PSMD14: variants seen among roughly 807,000 people sequenced by gnomAD.
PSMD14 encodes proteasome 26S subunit, non-ATPase 14, also known as ubiquitin C-terminal hydrolase PSMD14.
Under a neutral mutation model 41.2 loss-of-function variants are expected in PSMD14, and 7 were observed. That is an observed-to-expected ratio of 0.17 (90% confidence interval 0.10 to 0.32). The LOEUF is 0.32. PSMD14 is among the 10% of genes least tolerant of loss of function. The probability of loss-of-function intolerance (pLI) is 1.00; values close to 1 mark genes in which losing one functional copy is unlikely to be tolerated. For missense variants in PSMD14, 139 were observed against 375.6 expected (o/e 0.37, Z 5.21); for synonymous variants, 114 against 122.3 (o/e 0.93, Z 0.45).
intron 8 of PSMD14, among the ~76,000 whole-genome samples, chr2:161,387,121 C>T (rs2105264723): frequency 6.6e-6 from 1 of 152,026 alleles, no homozygotes; most frequent in Middle Eastern, 3.4e-3. Flanking sequence ...ATTTATTTCA[C>T]AGTTTATATA....
chr2:161,350,385 G>A (rs1683101127), intron 3 of PSMD14, among the ~76,000 whole-genome samples: 1 of 152,126 alleles, frequency 6.6e-6, no homozygotes, highest in Admixed American at 6.5e-5. Context: ...TGAGGATGAA[G>A]AACTTCAGTA....
At chr2:161,371,850 T>C (rs1013805301) in intron 7 of PSMD14, among the ~76,000 whole-genome samples, 2 of 152,152 alleles carry the variant, frequency 1.3e-5, no homozygotes, top group Admixed American at 6.6e-5. Flanking sequence ...TGATTAAATA[T>C]GCTAAATAAT....
At chr2:161,385,256 A>G (rs1683619436) in intron 7 of PSMD14, 2 of 347,852 alleles carry the variant, frequency 5.7e-6, no homozygotes, top group Non-Finnish European at 1.0e-5. Context: ...GAAAATTGCA[A>G]TAATTGGTGT....
intron 3 of PSMD14, among the ~76,000 whole-genome samples, chr2:161,351,889 CAA>C (rs1559044866): frequency 6.6e-6 from 1 of 152,140 alleles, no homozygotes; most frequent in African/African-American, 2.4e-5. Flanking sequence ...TACCTAACCT[CAA>C]GAGGTTAGGG....
At chr2:161,323,598 G>A (rs549444419) in intron 3 of PSMD14, among the ~76,000 whole-genome samples, 3 of 152,186 alleles carry the variant, frequency 2.0e-5, no homozygotes, top group East Asian at 3.9e-4. Context: ...AGGAGGTGGA[G>A]GTTGCAGTGA....
intron 3 of PSMD14, among the ~76,000 whole-genome samples, chr2:161,359,902 G>A (rs773169446): frequency 4.6e-5 from 7 of 152,074 alleles, no homozygotes; most frequent in Non-Finnish European, 7.4e-5. Context: ...GATATATGTC[G>A]ATGTAGATGT....
intron 3 of PSMD14, among the ~76,000 whole-genome samples, chr2:161,332,702 C>T (rs1044154171): frequency 6.6e-6 from 1 of 152,166 alleles, no homozygotes; most frequent in Admixed American, 6.5e-5. Context: ...TTTTTTAGAA[C>T]ATACTGATCC....
At chr2:161,393,821 A>G (rs553648684) in intron 9 of PSMD14, among the ~76,000 whole-genome samples, 2 of 152,186 alleles carry the variant, frequency 1.3e-5, no homozygotes, top group South Asian at 4.1e-4. Context: ...AAACCGTCTT[A>G]AAATATAAAC....
Position 161,398,584 on chromosome 2 carries a change from A to G in PSMD14, c.771+3381A>G, listed in dbSNP as rs1417085147. 2.0e-5 allele frequency among the ~76,000 whole-genome samples: 3 copies of G among 151,974 alleles called. No homozygotes were observed. In the East Asian group the frequency reaches 5.8e-4, roughly 29 times the overall value. On this transcript the variant is annotated intron_variant, in intron 10 of 11. Coordinates refer to ENST00000409682, the MANE Select transcript of PSMD14 (RefSeq NM_005805.6). ...TGTTTGATTACATATTTGTAAATGA[A>G]TGTGCAGGTGAAAAAATGAATTGTG...
At position 161,370,104 on chromosome 2, in the gene PSMD14, C is replaced by T. The variant is rs778230044; in HGVS notation, c.241-3C>T. The T allele has an allele frequency of 6.4e-7, 1 of 1,563,268 alleles. No homozygotes were observed. The highest frequency in any genetic ancestry group is 1.7e-4 in the Middle Eastern group (1 of 5,904). ...TAATAATTTTTCTTTCTTTCTAAAT[C>T]AGGGTGTCAGTGTGGAGGCAGTTGA... On this transcript the variant is annotated splice_polypyrimidine_tract_variant and splice_region_variant and intron_variant, in intron 5 of 11. Coordinates refer to ENST00000409682, the MANE Select transcript of PSMD14 (RefSeq NM_005805.6).
At chr2:161,407,515 G>A (rs1376275851) in intron 10 of PSMD14, 1 of 152,034 alleles carries the variant, frequency 6.6e-6, no homozygotes, top group African/African-American at 2.4e-5. Flanking sequence ...TAGATAGTTT[G>A]TCCATTTATA....
At chr2:161,320,987 A>T (rs530409054) in intron 3 of PSMD14, among the ~76,000 whole-genome samples, 3 of 152,196 alleles carry the variant, frequency 2.0e-5, no homozygotes, top group Non-Finnish European at 2.9e-5. Context: ...CGGCCTCCCA[A>T]AGTGCTGGGA....
intron 3 of PSMD14, among the ~76,000 whole-genome samples, chr2:161,323,763 A>T (rs1682652012): frequency 6.6e-6 from 1 of 152,230 alleles, no homozygotes; most frequent in African/African-American, 2.4e-5. Context: ...TTTGAAGCAG[A>T]AATAAAGATG....
chr2:161,376,134 TAG>T (rs1683499984), intron 7 of PSMD14, among the ~76,000 whole-genome samples: 1 of 149,944 alleles, frequency 6.7e-6, no homozygotes, highest in East Asian at 2.0e-4. Context: ...CTCTCTCATA[TAG>T]AGAGAGAGGG....
At chr2:161,404,354 A>T (rs1191305044) in intron 10 of PSMD14, among the ~76,000 whole-genome samples, 1 of 152,210 alleles carries the variant, frequency 6.6e-6, no homozygotes, top group Non-Finnish European at 1.5e-5. Context: ...ATTATGCTAT[A>T]CTTGTATTTT....
intron 3 of PSMD14, among the ~76,000 whole-genome samples, chr2:161,348,145 A>G (rs1683070278): frequency 6.6e-6 from 1 of 152,238 alleles, no homozygotes; most frequent in Admixed American, 6.5e-5. Context: ...AGATTTGACT[A>G]ACCTACAACC....
At chr2:161,312,570 C>T (rs1242849390) in intron 1 of PSMD14, among the ~76,000 whole-genome samples, 1 of 152,110 alleles carries the variant, frequency 6.6e-6, no homozygotes, top group Admixed American at 6.5e-5. Flanking sequence ...CTTTTTTGTA[C>T]TATTTTTACC....
intron 8 of PSMD14, among the ~76,000 whole-genome samples, chr2:161,389,074 CT>C (rs1431801894): frequency 1.3e-5 from 2 of 152,118 alleles, no homozygotes; most frequent in Admixed American, 1.3e-4. Context: ...AGTTTTAATG[CT>C]TTTATCTATA....
intron 3 of PSMD14, among the ~76,000 whole-genome samples, chr2:161,360,366 GT>G (rs34061827): frequency 0.29 from 37,571 of 131,418 alleles, 5,771 homozygotes; most frequent in East Asian, 0.46. Context: ...CTTTCATATT[GT>G]TTTTTTTTTT....
Sources: allele counts gnomAD v4.1 joint callset (sites outside exome capture counted in the v4.1 genomes callset), GRCh38; gene constraint gnomAD v4.1.1; transcripts MANE v1.5; gene names NCBI Gene and HGNC (gene_info 2026-07-23, HGNC 2026-07-21).